Variants in CCDC68 observed in about 807,000 individuals in gnomAD.
CCDC68 encodes coiled-coil domain containing 68.
A neutral mutation model predicts 47.1 loss-of-function variants in CCDC68; 45 were observed. The observed-to-expected ratio is 0.96, with a 90% CI of 0.75 to 1.23. The LOEUF is 1.23. CCDC68 is among the 50% of genes most tolerant of loss of function. The probability of loss-of-function intolerance (pLI) is 0.00; values close to 1 mark genes in which losing one functional copy is unlikely to be tolerated. For missense variants in CCDC68, 353 were observed against 373.6 expected (o/e 0.94, Z 0.45); for synonymous variants, 131 against 129.5 (o/e 1.01, Z -0.08).
At position 54,904,432 on chromosome 18, in the gene CCDC68, A is replaced by G. The variant is rs200672808; in HGVS notation, c.951-17T>C. On this transcript the variant is annotated splice_polypyrimidine_tract_variant and intron_variant, in intron 11 of 11. Coordinates refer to ENST00000591504, the MANE Select transcript of CCDC68 (RefSeq NM_025214.3). ...TTCAATTCACTGTAGAAAAGACAAC[A>G]CGATGATCAAAATGGAGAATGTTAA... The G allele has an allele frequency of 3.1e-5, 50 of 1,604,128 alleles. No individual in the cohort carries two copies. Among genetic ancestry groups the G allele is most frequent in the Non-Finnish European group, 3.9e-5 (46 of 1,171,344 alleles).
chr18:54,904,102 T>C lies in CCDC68; in HGVS notation c.*256A>G, dbSNP rs1913840543. 1 of 325,364 alleles carries C rather than the reference T, an allele frequency of 3.1e-6. No homozygotes were observed. The highest frequency in any genetic ancestry group is 5.6e-6 in the Non-Finnish European group (1 of 179,450). The allele number at this position is 325,364 out of a possible 1,614,324, so 20.2% of individuals were successfully genotyped here. A position where few individuals can be genotyped will look rare whatever the true frequency, so the allele number is the denominator to read the frequency against. ...GATTCAGATTTTTTTTTTTTTTTAA[T>C]TTAAAGCAGAATCTGTCTTCCATCA... On this transcript the variant is annotated 3_prime_UTR_variant, in exon 12 of 12. Transcript: ENST00000591504.
At chr18:54,933,236 C>G (rs2044292968) in intron 7 of CCDC68, among the ~76,000 whole-genome samples, 1 of 152,128 alleles carries the variant, frequency 6.6e-6, no homozygotes, top group Non-Finnish European at 1.5e-5. Flanking sequence ...TGCGTGCCAC[C>G]ATGCCCAGCT....
chr18:54,937,870 T>C, intron 5 of CCDC68, 87 bp downstream of exon 5: 1 of 1,213,140 alleles, frequency 8.2e-7, no homozygotes, highest in Non-Finnish European at 1.1e-6. Context: ...GACATCTCTC[T>C]GCTTTTACAG....
intron 10 of CCDC68, among the ~76,000 whole-genome samples, chr18:54,914,959 C>G (rs1474979956): frequency 2.0e-5 from 3 of 152,022 alleles, no homozygotes; most frequent in Non-Finnish European, 4.4e-5. Flanking sequence ...TCATTGGGAA[C>G]AATATAAATA....
At chr18:54,949,943 C>T (rs549437933) in intron 1 of CCDC68, among the ~76,000 whole-genome samples, 2 of 152,306 alleles carry the variant, frequency 1.3e-5, no homozygotes, top group South Asian at 4.1e-4. Context: ...ATCCAGTGGC[C>T]AGTGTCCAGT....
chr18:54,925,032 C>G (rs750205643), intron 8 of CCDC68, among the ~76,000 whole-genome samples: 40 of 152,132 alleles, frequency 2.6e-4, no homozygotes, highest in Non-Finnish European at 5.0e-4. Flanking sequence ...ATACCCTGGG[C>G]AATTTTCTTT....
At chr18:54,904,907 A>T (rs1412173674) in intron 11 of CCDC68, among the ~76,000 whole-genome samples, 1 of 152,178 alleles carries the variant, frequency 6.6e-6, no homozygotes, top group Admixed American at 6.5e-5. Context: ...ACATATATAC[A>T]TATGCATATT....
intron 1 of CCDC68, among the ~76,000 whole-genome samples, chr18:54,949,858 T>C (rs1269868750): frequency 6.6e-6 from 1 of 152,144 alleles, no homozygotes; most frequent in Non-Finnish European, 1.5e-5. Flanking sequence ...AATCCAGTCA[T>C]TGTTCAGGAA....
chr18:54,918,329 G>A (rs1311244886), intron 9 of CCDC68, among the ~76,000 whole-genome samples: 1 of 152,240 alleles, frequency 6.6e-6, no homozygotes, highest in Non-Finnish European at 1.5e-5. Flanking sequence ...AGATGCAGCT[G>A]CTGGTGGACA....
intron 7 of CCDC68, among the ~76,000 whole-genome samples, chr18:54,929,362 G>T (rs1332159803): frequency 6.6e-6 from 1 of 152,154 alleles, no homozygotes; most frequent in Non-Finnish European, 1.5e-5. Flanking sequence ...AAGGATCAAG[G>T]CCACAAAGGA....
At chr18:54,942,654 T>C in intron 3 of CCDC68, 21 bp downstream of exon 3, 1 of 1,366,608 alleles carries the variant, frequency 7.3e-7, no homozygotes, top group Non-Finnish European at 1.0e-6. Context: ...ATCATACTAA[T>C]GATTTCTGCT....
In CCDC68 at chr18:54,940,934, G is replaced by A. The variant is rs2044426094; in HGVS notation, c.204+63C>T. The A allele has an allele frequency of 2.8e-5, 33 of 1,173,118 alleles. No individual in the cohort carries two copies. The South Asian group carries it at 4.0e-4, about 14-fold the overall frequency. The allele number at this position is 1,173,118 out of a possible 1,614,324, so 72.7% of individuals were successfully genotyped here. A position where few individuals can be genotyped will look rare whatever the true frequency, so the allele number is the denominator to read the frequency against. On this transcript the variant is annotated intron_variant, in intron 4 of 11. Coordinates refer to ENST00000591504, the MANE Select transcript of CCDC68 (RefSeq NM_025214.3). ...CGAATCTTCAAAGAAGTTAGTAATT[G>A]CCCAAAAATTACTTTAAAAAGTCTA...
At chr18:54,919,499 G>A (rs368367310) in intron 8 of CCDC68, 123 bp from the exon 9 acceptor site, 83 of 767,904 alleles carry the variant, frequency 1.1e-4, no homozygotes, top group African/African-American at 8.4e-4. Context: ...GTAAGACCCC[G>A]GGGCCCCATT....
chr18:54,937,742 T>C, intron 5 of CCDC68: 1 of 392,298 alleles, frequency 2.5e-6, no homozygotes, highest in Non-Finnish European at 4.6e-6. Context: ...TGAACTTTTG[T>C]AAGATATTTT....
intron 5 of CCDC68, chr18:54,937,193 A>G: frequency 2.0e-6 from 1 of 494,094 alleles, no homozygotes; most frequent in East Asian, 3.7e-5. Context: ...ACCAAACCAG[A>G]GCTCTGTGCA....
intron 9 of CCDC68, among the ~76,000 whole-genome samples, 190 bp downstream of exon 9, chr18:54,919,081 C>A (rs1402996907): frequency 6.6e-6 from 1 of 152,134 alleles, no homozygotes; most frequent in East Asian, 1.9e-4. Flanking sequence ...TCATCGAGAG[C>A]ATTACAGGTG....
At chr18:54,915,605 T>C (rs892031582) in intron 10 of CCDC68, among the ~76,000 whole-genome samples, 4 of 152,190 alleles carry the variant, frequency 2.6e-5, no homozygotes, top group African/African-American at 9.6e-5. Context: ...CCAACTTATA[T>C]GGAATGAATG....
intron 6 of CCDC68, 27 bp downstream of exon 6, chr18:54,936,806 C>T (rs1019195641): frequency 5.0e-6 from 8 of 1,613,724 alleles, no homozygotes; most frequent in Non-Finnish European, 5.9e-6. Context: ...GGCTAGTTCT[C>T]CAATAGACAA....
At chr18:54,907,448 T>C (rs528868490) in intron 11 of CCDC68, among the ~76,000 whole-genome samples, 40 of 152,132 alleles carry the variant, frequency 2.6e-4, no homozygotes, top group Non-Finnish European at 5.0e-4. Context: ...TGTCCATCAA[T>C]GGCATAAAAA....
Sources: gnomAD v4.1 joint callset for allele counts (sites outside exome capture counted in the v4.1 genomes callset) on GRCh38, gnomAD v4.1.1 for gene constraint, MANE v1.5 for transcripts, NCBI Gene and HGNC (gene_info 2026-07-23, HGNC 2026-07-21) for gene names.